Variants in GRIN2D observed in about 807,000 individuals in gnomAD.
GRIN2D encodes glutamate receptor ionotropic, NMDA 2D.
Under a neutral mutation model 103.2 loss-of-function variants are expected in GRIN2D, and 37 were observed. The observed-to-expected ratio is 0.36, with a 90% confidence interval of 0.28 to 0.47. GRIN2D has a LOEUF of 0.47. Ranked by LOEUF, GRIN2D falls within the 20% of genes least tolerant of loss-of-function variation. The pLI, the probability that GRIN2D is intolerant of heterozygous loss-of-function variation, is 1.00. For synonymous variants in GRIN2D, 845 were observed against 885.6 expected, an observed-to-expected ratio of 0.95 and a Z score of 0.81; for missense variants, 1,557 against 1,910.6, an observed-to-expected ratio of 0.81 and a Z score of 3.45.
chr19:48,405,468 C>T lies in GRIN2D; in HGVS notation c.1085+115C>T. The T allele has an allele frequency of 8.8e-7, 1 of 1,131,800 alleles. No homozygotes were observed. The highest frequency in any genetic ancestry group is 1.2e-6 in the Non-Finnish European group (1 of 839,672). The allele number at this position is 1,131,800 out of a possible 1,614,324, so 70.1% of individuals were successfully genotyped here. A position where few individuals can be genotyped will look rare whatever the true frequency, so the allele number is the denominator to read the frequency against. ...CATCTGCTCTTTGAGCCTCAGTTTT[C>T]TTTTCTGTAAAGTGGGTGCAATTGG... is the stretch of plus-strand genomic sequence containing the variant. On this transcript the variant is annotated intron_variant, in intron 4 of 13. Coordinates refer to ENST00000263269, the MANE Select transcript of GRIN2D (RefSeq NM_000836.4). The surrounding 1 kb of genome is among the most constrained non-coding windows in gnomAD (Gnocchi z 5.1).
rs1392295826 is a variant in GRIN2D at position 48,442,261 on chromosome 19, T to C, written c.2552T>C (p.Met851Thr). The stretch of plus-strand genomic sequence containing the variant: ...GACAACATGGCGGGCGTCTTCTACA[T>C]GCTCCTGGTGGCCATGGGCCTGTCC... ...DIDNMAGVFY[M>T]LLVAMGLSLL... The change falls in exon 13 of 14, where the codon ATG becomes ACG. Residue 851 changes from methionine (M) to threonine (T), a missense_variant. Around this residue, in one of 7 missense-constraint regions of GRIN2D, gnomAD observed 138 missense variants for 270.2 expected, o/e 0.51. Transcript: ENST00000263269. The surrounding 1 kb of genome is among the most constrained non-coding windows in gnomAD (Gnocchi z 7.2). 6.2e-7 allele frequency: 1 copy of C among 1,613,994 alleles called. No homozygotes were observed. The highest frequency in any genetic ancestry group is 8.5e-7 in the Non-Finnish European group (1 of 1,180,008).
chr19:48,434,760 ATATTT>A (rs1204585020), intron 11 of GRIN2D, among the ~76,000 whole-genome samples: 1 of 151,456 alleles, frequency 6.6e-6, no homozygotes, highest in African/African-American at 2.4e-5. Context: ...TTATTCCTAA[ATATTT>A]TATTTTATTT....
intron 11 of GRIN2D, among the ~76,000 whole-genome samples, chr19:48,430,827 T>C (rs1175667862): frequency 6.7e-6 from 1 of 150,114 alleles, no homozygotes; most frequent in Non-Finnish European, 1.5e-5. Flanking sequence ...TTTTCTTTTT[T>C]TTTTTTTTTT....
rs1201688201 is a variant in GRIN2D, at chr19:48,405,113, G to A, written c.845G>A (p.Gly282Asp). The change falls in exon 4 of 14, where the codon GGC becomes GAC. Residue 282 changes from glycine (G) to aspartate (D), a missense_variant. Physicochemically the swap from Gly to Asp is moderately conservative, Grantham distance 94 (BLOSUM62 -1). Around this residue, in one of 7 missense-constraint regions of GRIN2D, gnomAD observed 490 missense variants for 601.1 expected, o/e 0.82. Transcript: ENST00000263269. This position sits in a 1 kb window ranked among gnomAD's most constrained non-coding sequence, Gnocchi z 5.1. Reference sequence around the variant, plus strand: ...ATGGTGGGGCCCCAGCTGGCTGGAGGCGGGGGCTCTGGGGCCCCTGGTGAG... The same window carrying A: ...ATGGTGGGGCCCCAGCTGGCTGGAGACGGGGGCTCTGGGGCCCCTGGTGAG... ...WFMVGPQLAG[G>D]GGSGAPGEPP... The A allele has an allele frequency of 6.3e-7, 1 of 1,586,706 alleles. No individual in the cohort carries two copies. The highest frequency in any genetic ancestry group is 8.6e-7 in the Non-Finnish European group (1 of 1,166,738).
At chr19:48,431,370 C>T (rs1003297808) in intron 11 of GRIN2D, among the ~76,000 whole-genome samples, 1 of 152,156 alleles carries the variant, frequency 6.6e-6, no homozygotes, top group African/African-American at 2.4e-5. Flanking sequence ...TGTCCTTGTA[C>T]TTGATGGACA....
At chr19:48,415,682 A>T (rs1291593671) in intron 7 of GRIN2D, among the ~76,000 whole-genome samples, 1 of 147,126 alleles carries the variant, frequency 6.8e-6, no homozygotes, top group Non-Finnish European at 1.5e-5. Flanking sequence ...ACTTTGGTAC[A>T]GAGGAGGAGG....
chr19:48,441,808 T>C lies in GRIN2D; in HGVS notation c.2292T>C (p.Asn764=), dbSNP rs377015207. 1.2e-6 allele frequency: 2 copies of C among 1,613,972 alleles called. No individual in the cohort carries two copies. The change falls in exon 12 of 14, where the codon AAT becomes AAC. Residue 764 remains asparagine, a synonymous_variant. Transcript: ENST00000263269. ...DAFIYDAAVL[N]YMARKDEGCK... ...TCATCTACGATGCTGCAGTGCTCAA[T>C]TACATGGCCCGCAAGGACGAGGGCT...
In GRIN2D at chr19:48,394,226, G is replaced by C. The variant is rs1264451151; in HGVS notation, c.-306+358G>C. Among the ~76,000 whole-genome samples the C allele has an allele frequency of 6.6e-6, 1 of 152,020 alleles. No individual in the cohort carries two copies. Among genetic ancestry groups the C allele is most frequent in the African/African-American group, 2.4e-5 (1 of 41,380 alleles). ...GTGTGTCCCTCCTCAAGCTCTGGGG[G>C]TGTTGAGGGGGAATCCCAGGGAAGT... On this transcript the variant is annotated intron_variant, in intron 1 of 13. Transcript: ENST00000263269. The surrounding 1 kb of genome is among the most constrained non-coding windows in gnomAD (Gnocchi z 5.1).
At chr19:48,420,238 C>G (rs914627564) in intron 10 of GRIN2D, among the ~76,000 whole-genome samples, 166 of 151,636 alleles carry the variant, frequency 1.1e-3, no homozygotes, top group Middle Eastern at 6.8e-3. Flanking sequence ...ACCATCCTGG[C>G]TAACACGGTG....
At chr19:48,433,736 T>A (rs1482854252) in intron 11 of GRIN2D, among the ~76,000 whole-genome samples, 2 of 152,238 alleles carry the variant, frequency 1.3e-5, no homozygotes, top group African/African-American at 2.4e-5. Flanking sequence ...AAGCATTATT[T>A]TTTTTTCTTT....
Position 48,443,174 on chromosome 19 carries a change from G to A in GRIN2D, c.3248G>A (p.Gly1083Glu). The change falls in exon 14 of 14, where the codon GGG (glycine) becomes GAG (glutamate). Residue 1083 changes from glycine (G) to glutamate (E), a missense_variant. By Grantham distance (98) the Gly-to-Glu change is moderately conservative. Coordinates refer to ENST00000263269, the MANE Select transcript of GRIN2D (RefSeq NM_000836.4). The surrounding 1 kb of genome is among the most constrained non-coding windows in gnomAD (Gnocchi z 8.9). ...GGCGCGGGCGGCGCGGGGGGCACGG[G>A]GGGCGCAGGCGGAGGAGCCCCGGCC... is the stretch of plus-strand genomic sequence containing the variant. The part of the protein sequence containing the change: ...GPGAGGAGGT[G>E]GAGGGAPAAP... The A allele has an allele frequency of 9.4e-7, 1 of 1,059,834 alleles. No individual in the cohort carries two copies. The highest frequency in any genetic ancestry group is 4.2e-4 in the Middle Eastern group (1 of 2,384). The allele number at this position is 1,059,834 out of a possible 1,614,324, so 65.7% of individuals were successfully genotyped here.
chr19:48,429,314 C>T (rs544644507), intron 11 of GRIN2D, among the ~76,000 whole-genome samples: 24 of 152,306 alleles, frequency 1.6e-4, no homozygotes, highest in East Asian at 1.2e-3. Flanking sequence ...CAGCCTCAAG[C>T]TCCTGGGCTC....
Position 48,443,169 on chromosome 19 carries a change from C to A in GRIN2D, c.3243C>A (p.Gly1081=). The change falls in exon 14 of 14, where the codon GGC becomes GGA. Residue 1081 remains glycine (G), a synonymous_variant. Coordinates refer to ENST00000263269, the MANE Select transcript of GRIN2D (RefSeq NM_000836.4). The surrounding 1 kb of genome is among the most constrained non-coding windows in gnomAD (Gnocchi z 8.9). Reference sequence around the variant, plus strand: ...GGCCAGGCGCGGGCGGCGCGGGGGGCACGGGGGGCGCAGGCGGAGGAGCCC... The same window carrying A: ...GGCCAGGCGCGGGCGGCGCGGGGGGAACGGGGGGCGCAGGCGGAGGAGCCC... The part of the protein sequence containing the change: ...LLGPGAGGAG[G]TGGAGGGAPA... 1 of 1,027,410 alleles carries A rather than the reference C, an allele frequency of 9.7e-7. No individual in the cohort carries two copies. Among genetic ancestry groups the A allele is most frequent in the Non-Finnish European group, 1.2e-6 (1 of 854,244 alleles). 63.6% of individuals were successfully genotyped at this position (1,027,410 alleles called of 1,614,324 possible). A position where few individuals can be genotyped will look rare whatever the true frequency, so the allele number is the denominator to read the frequency against.
rs1444639848 is a variant in GRIN2D at position 48,438,622 on chromosome 19, CG to C, written c.2253-3143del. ...CTAATTTTTGTATTTTTAATAGAGA[CG>C]GGGTTTCGCCATGTTGGCCAGGCTG... On this transcript the variant is annotated intron_variant, in intron 11 of 13. Transcript: ENST00000263269. 6.6e-5 allele frequency among the ~76,000 whole-genome samples: 10 copies of C among 151,400 alleles called. No homozygotes were observed. The South Asian group carries it at 1.3e-3, about 19-fold the overall frequency.
intron 11 of GRIN2D, among the ~76,000 whole-genome samples, chr19:48,433,631 G>C (rs1352934819): frequency 2.0e-5 from 3 of 152,174 alleles, no homozygotes; most frequent in Non-Finnish European, 4.4e-5. Flanking sequence ...TCTCCTCCCA[G>C]CCAGTTCTTG....
chr19:48,422,125 T>C (rs955530092), intron 11 of GRIN2D, among the ~76,000 whole-genome samples, 180 bp downstream of exon 11: 1 of 152,110 alleles, frequency 6.6e-6, no homozygotes, highest in Non-Finnish European at 1.5e-5. Context: ...AGCAGGCTCC[T>C]TGGGATATTT....
In GRIN2D at chr19:48,398,690, G is replaced by A; in HGVS notation, c.298G>A (p.Val100Met). 6.8e-7 allele frequency: 1 copy of A among 1,462,416 alleles called. No individual in the cohort carries two copies. Among genetic ancestry groups the A allele is most frequent in the Non-Finnish European group, 9.0e-7 (1 of 1,111,736 alleles). The allele number at this position is 1,462,416 out of a possible 1,614,324, so 90.6% of individuals were successfully genotyped here. A position where few individuals can be genotyped will look rare whatever the true frequency, so the allele number is the denominator to read the frequency against. Residue 100 changes from valine to methionine, a missense_variant, in exon 3 of 14, where the codon GTG becomes ATG. By Grantham distance (21) the Val-to-Met change is conservative. Coordinates refer to ENST00000263269, the MANE Select transcript of GRIN2D (RefSeq NM_000836.4). ...VLNGSDPRSL[V>M]LQLCDLLSGL... ...CAACGGCTCGGACCCGCGCAGCCTC[G>A]TGCTGCAGCTCTGCGACCTGCTGTC...
intron 11 of GRIN2D, among the ~76,000 whole-genome samples, chr19:48,436,589 G>A (rs1325895317): frequency 1.3e-5 from 2 of 152,200 alleles, no homozygotes; most frequent in Non-Finnish European, 2.9e-5. Context: ...GGCTAGTATC[G>A]ATTTTGTTTC....
rs1970723453 is a variant in GRIN2D, at chr19:48,402,166, A to AGAG, written c.466-2568_466-2567insGAG. ...AAAGAAAGAAAGAAAGAAAGAAAGA[A>AGAG]AGAGAGAAAAGAAAACAGAGATGGG... On this transcript the variant is annotated intron_variant, in intron 3 of 13. Coordinates refer to ENST00000263269, the MANE Select transcript of GRIN2D (RefSeq NM_000836.4). Among the ~76,000 whole-genome samples the AGAG allele has an allele frequency of 2.2e-4, 18 of 80,086 alleles. No homozygotes were observed. In the East Asian group the frequency reaches 3.5e-3, roughly 16 times the overall value. The allele number at this position is 80,086 out of a possible 152,430, so 52.5% of individuals were successfully genotyped here.
Sources: gnomAD v4.1 joint callset for allele counts (sites outside exome capture counted in the v4.1 genomes callset) on GRCh38, gnomAD v4.1.1 for gene constraint, gnomAD v4.1.1 regional missense constraint, Gnocchi (gnomAD v3.1) non-coding constraint, MANE v1.5 for transcripts, NCBI Gene and HGNC (gene_info 2026-07-23, HGNC 2026-07-21) for gene names.